IL7: variants seen among roughly 807,000 people sequenced by gnomAD.
The protein encoded by IL7 is interleukin 7.
IL7 carries 3 observed loss-of-function variants against 21.6 expected under a neutral mutation model. The ratio of observed to expected loss-of-function variants is 0.14; its 90% confidence interval spans 0.06 to 0.36. IL7 has a LOEUF of 0.36. Ranked by LOEUF, IL7 falls within the 10% of genes least tolerant of loss-of-function variation. The pLI is 1.00. For missense variants in IL7, 175 were observed against 200.2 expected, an observed-to-expected ratio of 0.87 and a Z score of 0.76; for synonymous variants, 62 against 68.1, an observed-to-expected ratio of 0.91 and a Z score of 0.44.
chr8:78,725,931 C>T (rs1255445074), intron 3 of IL7, among the ~76,000 whole-genome samples: 2 of 151,854 alleles, frequency 1.3e-5, no homozygotes, highest in African/African-American at 2.4e-5. Context: ...CCACCAGGCA[C>T]TATTTTAGGT....
chr8:78,763,347 C>A (rs1264078716), intron 2 of IL7, among the ~76,000 whole-genome samples: 1 of 152,098 alleles, frequency 6.6e-6, no homozygotes, highest in Admixed American at 6.6e-5. Flanking sequence ...TGAATGATAG[C>A]AGTGATAAAA....
intron 4 of IL7, among the ~76,000 whole-genome samples, chr8:78,676,387 T>A (rs1809580079): frequency 6.6e-6 from 1 of 151,970 alleles, no homozygotes; most frequent in Non-Finnish European, 1.5e-5. Flanking sequence ...ACACCTAAAA[T>A]TTATTATGCA....
intron 2 of IL7, among the ~76,000 whole-genome samples, chr8:78,786,865 A>G (rs1421197565): frequency 6.6e-6 from 1 of 152,088 alleles, no homozygotes; most frequent in Non-Finnish European, 1.5e-5. Flanking sequence ...GCATAAATAG[A>G]GGGTTGGGAC....
chr8:78,676,706 AAAT>A (rs1809591129), intron 4 of IL7, among the ~76,000 whole-genome samples: 1 of 152,042 alleles, frequency 6.6e-6, no homozygotes, highest in South Asian at 2.1e-4. Flanking sequence ...GGCACCTTTT[AAAT>A]AATGATGGCT....
intron 3 of IL7, among the ~76,000 whole-genome samples, chr8:78,693,513 G>A (rs1399439647): frequency 6.6e-6 from 1 of 152,024 alleles, no homozygotes; most frequent in Non-Finnish European, 1.5e-5. Context: ...TGTGTCTTTT[G>A]GCCGCATAAA....
intron 3 of IL7, among the ~76,000 whole-genome samples, chr8:78,711,281 T>C (rs1047607823): frequency 6.6e-6 from 1 of 152,130 alleles, no homozygotes; most frequent in East Asian, 1.9e-4. Flanking sequence ...AGTTATTTGG[T>C]TGGTTGATTT....
Position 78,698,133 on chromosome 8 carries a change from G to A in IL7, n.215-12186C>T, listed in dbSNP as rs553400726. Among the ~76,000 whole-genome samples, 8 of 152,182 alleles carry A rather than the reference G, an allele frequency of 5.3e-5. 1 individual carries two copies. In the South Asian group the frequency reaches 1.7e-3, roughly 32 times the overall value. ...AGCTCTTCATAGCTTTCTGAACTGG[G>A]CAATTGTTCGTAGTAGTCAAACACT... On this transcript the variant is annotated intron_variant and non_coding_transcript_variant, in intron 3 of 4. Transcript: ENST00000523959.
At chr8:78,709,632 A>G (rs1420912453) in intron 3 of IL7, among the ~76,000 whole-genome samples, 2 of 152,102 alleles carry the variant, frequency 1.3e-5, no homozygotes, top group Non-Finnish European at 2.9e-5. Flanking sequence ...GGGGTGTTCA[A>G]TCTTTTGGCT....
chr8:78,714,131 A>T (rs1468963809), downstream of IL7, among the ~76,000 whole-genome samples: 1 of 152,092 alleles, frequency 6.6e-6, no homozygotes, highest in African/African-American at 2.4e-5. Context: ...AAATTTAAAG[A>T]TTTGATTAAA....
chr8:78,715,118 C>T (rs1811058823), downstream of IL7: 1 of 988,792 alleles, frequency 1.0e-6, no homozygotes, highest in South Asian at 1.9e-5. Flanking sequence ...TTTTGAACTT[C>T]TCTGAAGCTT....
chr8:78,750,409 A>T (rs1310416631), intron 2 of IL7, among the ~76,000 whole-genome samples: 2 of 152,136 alleles, frequency 1.3e-5, no homozygotes, highest in Non-Finnish European at 2.9e-5. Context: ...GCTATGAAAA[A>T]AAAAATTACA....
chr8:78,695,104 G>C (rs1348562343), intron 3 of IL7, among the ~76,000 whole-genome samples: 1 of 152,120 alleles, frequency 6.6e-6, no homozygotes, highest in East Asian at 1.9e-4. Flanking sequence ...CCGAGGGGGA[G>C]GTGAATAATG....
In IL7 at chr8:78,804,900, G is replaced by A. The variant is rs777784434; in HGVS notation, c.10+13C>T. ...GGCGCGCGAACTTGTGCGCAAGGGA[G>A]AAGAGCGCTTACCATGGAACATGGT... On this transcript the variant is annotated intron_variant, in intron 1 of 5. Transcript: ENST00000263851. 2.5e-6 allele frequency: 4 copies of A among 1,613,188 alleles called. No individual in the cohort carries two copies. The highest frequency in any genetic ancestry group is 1.7e-6 in the Non-Finnish European group (2 of 1,179,460).
intron 3 of IL7, among the ~76,000 whole-genome samples, chr8:78,688,402 A>C (rs1309883013): frequency 2.6e-5 from 4 of 152,152 alleles, no homozygotes; most frequent in Non-Finnish European, 4.4e-5. Flanking sequence ...TCCAGTAGTA[A>C]GGAGGACAAA....
chr8:78,786,850 A>T (rs1180416340), intron 2 of IL7, among the ~76,000 whole-genome samples: 1 of 152,166 alleles, frequency 6.6e-6, no homozygotes, highest in Non-Finnish European at 1.5e-5. Flanking sequence ...CCCTAGGATA[A>T]CAAGGCATAA....
At chr8:78,792,306 CAT>C (rs1813723282) in intron 2 of IL7, among the ~76,000 whole-genome samples, 1 of 152,126 alleles carries the variant, frequency 6.6e-6, no homozygotes, top group Non-Finnish European at 1.5e-5. Context: ...CAAAGACCAA[CAT>C]GTGAGACTGA....
At chr8:78,725,747 A>G (rs903020088) in intron 3 of IL7, among the ~76,000 whole-genome samples, 2 of 152,070 alleles carry the variant, frequency 1.3e-5, no homozygotes, top group Admixed American at 6.6e-5. Context: ...TGCTTTGAGT[A>G]TAATTATATG....
intron 2 of IL7, 121 bp from the exon 3 acceptor site, chr8:78,740,203 G>A (rs1811732468): frequency 1.8e-6 from 1 of 544,672 alleles, no homozygotes; most frequent in Non-Finnish European, 2.7e-6. Context: ...AGGAAAATAA[G>A]TTTTGCCTGG....
intron 4 of IL7, among the ~76,000 whole-genome samples, chr8:78,684,785 G>C (rs12679332): frequency 0.013 from 2,043 of 151,976 alleles, 26 homozygotes; most frequent in South Asian, 0.031. Flanking sequence ...GAAATATTTA[G>C]GAATAAGCTT....
Sources: allele counts gnomAD v4.1 joint callset (sites outside exome capture counted in the v4.1 genomes callset), GRCh38; gene constraint gnomAD v4.1.1; transcripts MANE v1.5; gene names NCBI Gene and HGNC (gene_info 2026-07-23, HGNC 2026-07-21).